UBE3C: variants seen among roughly 807,000 people sequenced by gnomAD.
UBE3C encodes ubiquitin-protein ligase E3C.
Under a neutral mutation model 129.4 loss-of-function variants are expected in UBE3C, and 42 were observed. The ratio of observed to expected loss-of-function variants is 0.32; its 90% CI spans 0.25 to 0.42. The LOEUF (loss-of-function observed/expected upper bound fraction) is 0.42, where lower values mean the gene tolerates loss of function less well. UBE3C is among the 10% of genes least tolerant of loss of function. The probability of loss-of-function intolerance (pLI) is 1.00; values close to 1 mark genes in which losing one functional copy is unlikely to be tolerated. For missense variants in UBE3C, 1,049 were observed against 1,319.1 expected, an observed-to-expected ratio of 0.80 and a Z score of 3.17; for synonymous variants, 510 against 492.4, an observed-to-expected ratio of 1.04 and a Z score of -0.47.
chr7:157,180,889 A>C (rs1444742605), intron 6 of UBE3C, among the ~76,000 whole-genome samples: 1 of 152,202 alleles, frequency 6.6e-6, no homozygotes. Context: ...GAAAAGGCTG[A>C]TTGTAGGGCG....
At chr7:157,199,805 C>T (rs994649488) in intron 10 of UBE3C, among the ~76,000 whole-genome samples, 3 of 152,078 alleles carry the variant, frequency 2.0e-5, no homozygotes, top group African/African-American at 4.8e-5. Flanking sequence ...GAAATTTGCT[C>T]GAACATTAAT....
At chr7:157,164,099 A>G (rs1208075164) in intron 2 of UBE3C, among the ~76,000 whole-genome samples, 5 of 152,084 alleles carry the variant, frequency 3.3e-5, no homozygotes, top group Admixed American at 2.0e-4. Context: ...GACTTACATA[A>G]TGATATGGTT....
intron 10 of UBE3C, chr7:157,189,204 G>A (rs1024739617): frequency 1.5e-4 from 56 of 374,724 alleles, no homozygotes; most frequent in Admixed American, 1.3e-3. Flanking sequence ...GTGCTCTTCT[G>A]AGTACACTAT....
At chr7:157,207,612 G>A (rs913251047) in intron 12 of UBE3C, 57 bp downstream of exon 12, 38 of 1,591,812 alleles carry the variant, frequency 2.4e-5, no homozygotes, top group Middle Eastern at 1.7e-4. Context: ...AGTTTTCATA[G>A]ACAGTAGAAA....
chr7:157,242,745 C>T (rs1796372312), intron 18 of UBE3C, among the ~76,000 whole-genome samples: 1 of 151,798 alleles, frequency 6.6e-6, no homozygotes, highest in Admixed American at 6.6e-5. Flanking sequence ...AGCCATAGAA[C>T]TAGAAGTCGA....
intron 18 of UBE3C, among the ~76,000 whole-genome samples, chr7:157,242,165 C>T (rs999524805): frequency 2.6e-5 from 4 of 152,104 alleles, no homozygotes; most frequent in Non-Finnish European, 4.4e-5. Flanking sequence ...AGGAATCGTG[C>T]GGTAGGTAAC....
At chr7:157,248,661 C>G (rs1270403576) in intron 19 of UBE3C, 81 bp downstream of exon 19, 6 of 1,447,692 alleles carry the variant, frequency 4.1e-6, no homozygotes, top group Middle Eastern at 2.5e-4. Context: ...ATTTGTGTTA[C>G]AGCGTTTGAC....
At chr7:157,250,194 T>A (rs1310400937) in intron 19 of UBE3C, among the ~76,000 whole-genome samples, 1 of 152,150 alleles carries the variant, frequency 6.6e-6, no homozygotes, top group Admixed American at 6.5e-5. Flanking sequence ...TTCTGTCTAC[T>A]TTAGCATATG....
At chr7:157,145,989 A>G (rs1259444274) in intron 1 of UBE3C, among the ~76,000 whole-genome samples, 2 of 152,182 alleles carry the variant, frequency 1.3e-5, no homozygotes, top group African/African-American at 4.8e-5. Flanking sequence ...GTCATTACCA[A>G]AGCCAAGGTA....
chr7:157,196,191 A>G (rs1395120890), intron 10 of UBE3C, among the ~76,000 whole-genome samples: 1 of 152,232 alleles, frequency 6.6e-6, no homozygotes, highest in Non-Finnish European at 1.5e-5. Flanking sequence ...AGAAGGTGGA[A>G]TGACAAGGAA....
Position 157,268,379 on chromosome 7 carries a change from A to C in UBE3C, c.*624A>C, listed in dbSNP as rs955479603. ...TTTTCAGTATACCGTGGCCTGCCTCATGATGGTTTGGAGATACTGTCTGTG... is the reference window on the plus strand; with the variant it reads ...TTTTCAGTATACCGTGGCCTGCCTCCTGATGGTTTGGAGATACTGTCTGTG... On this transcript the variant is annotated 3_prime_UTR_variant, in exon 23 of 23. Transcript: ENST00000348165. 1 of 152,654 alleles carries C rather than the reference A, an allele frequency of 6.6e-6. No homozygotes were observed. Among genetic ancestry groups the C allele is most frequent in the African/African-American group, 2.4e-5 (1 of 41,440 alleles). The allele number at this position is 152,654 out of a possible 1,614,324, so 9.5% of individuals were successfully genotyped here. A position where few individuals can be genotyped will look rare whatever the true frequency, so the allele number is the denominator to read the frequency against.
At position 157,241,947 on chromosome 7, in the gene UBE3C, A is replaced by G. The variant is rs193072908; in HGVS notation, c.2482-6421A>G. Among the ~76,000 whole-genome samples, 134 of 152,338 alleles carry G rather than the reference A, an allele frequency of 8.8e-4. 2 individuals carry two copies. The highest frequency in any genetic ancestry group is 6.2e-4 in the South Asian group (3 of 4,824). On this transcript the variant is annotated intron_variant, in intron 18 of 22. Transcript: ENST00000348165. ...ATGGTTCCATTTATATGAAATGTCC[A>G]AAACAGGAAAATCTAGAGACAGAAG...
chr7:157,199,718 G>T (rs1053324487), intron 10 of UBE3C, among the ~76,000 whole-genome samples: 1 of 151,842 alleles, frequency 6.6e-6, no homozygotes, highest in Admixed American at 6.6e-5. Context: ...TGATCCACCC[G>T]CCTCAGCCTC....
chr7:157,144,203 G>A (rs1233841042), intron 1 of UBE3C, among the ~76,000 whole-genome samples: 2 of 152,238 alleles, frequency 1.3e-5, no homozygotes, highest in East Asian at 1.9e-4. Context: ...GACTGAGGCG[G>A]GAGGATCGCT....
At chr7:157,178,561 A>T in intron 5 of UBE3C, 129 bp from the exon 6 acceptor site, 1 of 901,718 alleles carries the variant, frequency 1.1e-6, no homozygotes, top group East Asian at 2.6e-5. Context: ...TATCTGTAAG[A>T]TGTCCCTATT....
At position 157,269,286 on chromosome 7, in the gene UBE3C, GT is replaced by G. The variant is rs943289848; in HGVS notation, c.*1538del. ...GAAATTGACAATTCACTTATTTGTG[GT>G]TTTTTTCTCAGCTATTCTGAGCTTA... On this transcript the variant is annotated 3_prime_UTR_variant, in exon 23 of 23. Coordinates refer to ENST00000348165, the MANE Select transcript of UBE3C (RefSeq NM_014671.3). 1 of 152,244 alleles carries G rather than the reference GT, an allele frequency of 6.6e-6. No individual in the cohort carries two copies. Among genetic ancestry groups the G allele is most frequent in the African/African-American group, 2.4e-5 (1 of 41,384 alleles). The allele number at this position is 152,244 out of a possible 1,614,324, so 9.4% of individuals were successfully genotyped here.
intron 1 of UBE3C, among the ~76,000 whole-genome samples, chr7:157,159,711 T>C (rs984024316): frequency 4.6e-5 from 7 of 152,134 alleles, no homozygotes; most frequent in African/African-American, 1.7e-4. Flanking sequence ...CTACTAAAAA[T>C]ACAGAAACAG....
At chr7:157,218,857 G>C (rs142003351) in intron 14 of UBE3C, among the ~76,000 whole-genome samples, 1 of 152,262 alleles carries the variant, frequency 6.6e-6, no homozygotes, top group East Asian at 1.9e-4. Context: ...AGCTAACTCT[G>C]AGTTCGCAAG....
chr7:157,148,083 A>G (rs1807655058), intron 1 of UBE3C, among the ~76,000 whole-genome samples: 1 of 151,578 alleles, frequency 6.6e-6, no homozygotes, highest in African/African-American at 2.4e-5. Context: ...AAAACCAATT[A>G]CTATAGTTTT....
Sources: gnomAD v4.1 joint callset for allele counts (sites outside exome capture counted in the v4.1 genomes callset) on GRCh38, gnomAD v4.1.1 for gene constraint, MANE v1.5 for transcripts, NCBI Gene and HGNC (gene_info 2026-07-23, HGNC 2026-07-21) for gene names.